The following ZKSCAN4 variants were observed in gnomAD, a reference collection of about 807,000 sequenced individuals.
ZKSCAN4 encodes zinc finger protein with KRAB and SCAN domains 4.
In ZKSCAN4, 23 loss-of-function variants were observed where a neutral mutation model predicts 30.8. That is an observed-to-expected ratio of 0.75 (90% CI 0.54 to 1.06). ZKSCAN4 has a LOEUF of 1.06. Ranked by LOEUF, ZKSCAN4 falls within the 50% of genes least tolerant of loss-of-function variation. The pLI, the probability that ZKSCAN4 is intolerant of heterozygous loss-of-function variation, is 0.00. For synonymous variants in ZKSCAN4, 208 were observed against 252.5 expected, an observed-to-expected ratio of 0.82 and a Z score of 1.67; for missense variants, 556 against 665.4, an observed-to-expected ratio of 0.84 and a Z score of 1.81.
Position 28,242,106 on chromosome 6 carries a change from C to T in ZKSCAN4, c.*3010G>A, listed in dbSNP as rs1421345813. Among the ~76,000 whole-genome samples the T allele has an allele frequency of 1.3e-5, 2 of 152,108 alleles. No homozygotes were observed. The highest frequency in any genetic ancestry group is 6.5e-5 in the Admixed American group (1 of 15,282). On this transcript the variant is annotated 3_prime_UTR_variant, in exon 5 of 5. Coordinates refer to ENST00000377294, the MANE Select transcript of ZKSCAN4 (RefSeq NM_019110.5). Reference sequence around the variant, plus strand: ...GAAGATTTCTGCGCTGCTTCAGTTACAGAAATGAAATAGAATGGCAGACTA... The same window carrying T: ...GAAGATTTCTGCGCTGCTTCAGTTATAGAAATGAAATAGAATGGCAGACTA...
chr6:28,254,753 C>T (rs1185697819), upstream of ZKSCAN4, among the ~76,000 whole-genome samples: 1 of 152,144 alleles, frequency 6.6e-6, no homozygotes, highest in Non-Finnish European at 1.5e-5. Flanking sequence ...GGTTGGAAGC[C>T]CTGCGACGGC....
chr6:28,246,419 C>CAT (rs1232887202), intron 4 of ZKSCAN4, among the ~76,000 whole-genome samples: 2 of 152,100 alleles, frequency 1.3e-5, no homozygotes, highest in Admixed American at 6.5e-5. Flanking sequence ...CATGGACCGT[C>CAT]ATCTCTAACT....
At chr6:28,254,715 T>C (rs1761132439), upstream of ZKSCAN4, among the ~76,000 whole-genome samples, 1 of 152,232 alleles carries the variant, frequency 6.6e-6, no homozygotes, top group Admixed American at 6.5e-5. Flanking sequence ...GCGGGATGCT[T>C]TTATTTTCTG....
rs552949112 is a variant in ZKSCAN4 at position 28,245,942 on chromosome 6, G to A, written c.812C>T (p.Pro271Leu). Residue 271 changes from proline (P) to leucine (L), a missense_variant, in exon 5 of 5, where the codon CCT (proline) becomes CTT (leucine). Around this residue, in one of 3 missense-constraint regions of ZKSCAN4, gnomAD observed 433 missense variants for 511.5 expected, o/e 0.85. Coordinates refer to ENST00000377294, the MANE Select transcript of ZKSCAN4 (RefSeq NM_019110.5). ...CTTTTCTGGAAGCTTCTTGACTGGAGGCAAGTCCCTGCTCTTAGTCTGTAT... is the reference window on the plus strand; with the variant it reads ...CTTTTCTGGAAGCTTCTTGACTGGAAGCAAGTCCCTGCTCTTAGTCTGTAT... Reference protein sequence around the residue: ...GEIQTKSRDLPPVKKLPEKEH... With the variant: ...GEIQTKSRDLLPVKKLPEKEH... 2.4e-5 allele frequency: 39 copies of A among 1,614,150 alleles called. No individual in the cohort carries two copies. In the East Asian group the frequency reaches 7.6e-4, roughly 31 times the overall value.
Position 28,251,608 on chromosome 6 carries a change from C to G in ZKSCAN4, c.373G>C (p.Val125Leu). The G allele has an allele frequency of 1.2e-6, 2 of 1,614,218 alleles. No homozygotes were observed. Among genetic ancestry groups the G allele is most frequent in the Non-Finnish European group, 1.7e-6 (2 of 1,180,026 alleles). Residue 125 changes from valine (V) to leucine (L), a missense_variant, in exon 1 of 5, where the codon GTG (valine) becomes CTG (leucine). Val to Leu is a conservative substitution (Grantham distance 32, BLOSUM62 1). Coordinates refer to ENST00000377294, the MANE Select transcript of ZKSCAN4 (RefSeq NM_019110.5). The surrounding 1 kb of genome is among the most constrained non-coding windows in gnomAD (Gnocchi z 4.5). Reference protein sequence around the residue: ...EQHPESGEEVVVLLEYLERQL... With the variant: ...EQHPESGEEVLVLLEYLERQL... Reference sequence around the variant, plus strand: ...CTCTCCAAATACTCCAATAGCACCACCACCTCCTCCCCGCTCTCTGGATGC... The same window carrying G: ...CTCTCCAAATACTCCAATAGCACCAGCACCTCCTCCCCGCTCTCTGGATGC...
chr6:28,245,937 C>T lies in ZKSCAN4; in HGVS notation c.817G>A (p.Val273Ile). The change falls in exon 5 of 5, where the codon GTC (valine) becomes ATC (isoleucine). Residue 273 changes from valine to isoleucine, a missense_variant. Val to Ile is a conservative substitution (Grantham distance 29). This residue lies in a region of ZKSCAN4 where 433 missense variants were observed against 511.5 expected (regional missense o/e 0.85). Coordinates refer to ENST00000377294, the MANE Select transcript of ZKSCAN4 (RefSeq NM_019110.5). The stretch of plus-strand genomic sequence containing the variant: ...TGCTCCTTTTCTGGAAGCTTCTTGA[C>T]TGGAGGCAAGTCCCTGCTCTTAGTC... ...IQTKSRDLPPVKKLPEKEHGK... is the reference protein window; with the variant it reads ...IQTKSRDLPPIKKLPEKEHGK... The T allele has an allele frequency of 6.2e-7, 1 of 1,614,172 alleles. No homozygotes were observed. The highest frequency in any genetic ancestry group is 1.3e-5 in the African/African-American group (1 of 75,042).
At chr6:28,248,271 C>T in intron 2 of ZKSCAN4, 122 bp from the exon 3 acceptor site, 2 of 673,534 alleles carry the variant, frequency 3.0e-6, no homozygotes, top group Non-Finnish European at 5.1e-6. Flanking sequence ...AGAATGTGTT[C>T]CTTTCAAAAA....
chr6:28,252,014 G>C lies in ZKSCAN4; in HGVS notation c.-34C>G. 1 of 1,509,970 alleles carries C rather than the reference G, an allele frequency of 6.6e-7. No individual in the cohort carries two copies. 93.5% of individuals were successfully genotyped at this position (1,509,970 alleles called of 1,614,324 possible). On this transcript the variant is annotated 5_prime_UTR_variant, in exon 1 of 5. Coordinates refer to ENST00000377294, the MANE Select transcript of ZKSCAN4 (RefSeq NM_019110.5). The stretch of plus-strand genomic sequence containing the variant: ...AAGGCAGTACTCGGGTCTCACTCTA[G>C]TTGCGACCTGTATATCTTCAGAGGA...
chr6:28,246,791 G>T (rs922335194), intron 4 of ZKSCAN4, among the ~76,000 whole-genome samples, 178 bp downstream of exon 4: 1 of 152,208 alleles, frequency 6.6e-6, no homozygotes, highest in African/African-American at 2.4e-5. Context: ...ACACTGGCAT[G>T]ACAGAGGAGA....
intron 2 of ZKSCAN4, among the ~76,000 whole-genome samples, chr6:28,248,369 G>A (rs1304794738): frequency 6.6e-6 from 1 of 152,238 alleles, no homozygotes; most frequent in Admixed American, 6.5e-5. Flanking sequence ...AGAATCGTTG[G>A]TAGGAGTGGT....
chr6:28,256,651 A>G (rs918974298), upstream of ZKSCAN4, among the ~76,000 whole-genome samples: 12 of 152,222 alleles, frequency 7.9e-5, no homozygotes, highest in South Asian at 1.0e-3. Context: ...CTGTATGCAA[A>G]TGAACATTTG....
chr6:28,254,970 A>G (rs759869637), upstream of ZKSCAN4, among the ~76,000 whole-genome samples: 4 of 152,224 alleles, frequency 2.6e-5, no homozygotes, highest in Non-Finnish European at 4.4e-5. Context: ...GTAACCCGGT[A>G]TCTTGCTTAT....
rs1161730979 is a variant in ZKSCAN4 at position 28,243,654 on chromosome 6, ATTTTCTTTTCTTTTTTTT to A, written c.*1444_*1461del. 6.7e-6 allele frequency among the ~76,000 whole-genome samples: 1 copy of A among 149,728 alleles called. No homozygotes were observed. Among genetic ancestry groups the A allele is most frequent in the East Asian group, 1.9e-4 (1 of 5,144 alleles). On this transcript the variant is annotated 3_prime_UTR_variant, in exon 5 of 5. Transcript: ENST00000377294. ...TCCCAATGTGCTTCTGAACAGACAC[ATTTTCTTTTCTTTTTTTT>A]TTTTCTTTTTGAGACAGAGTCTCAC...
At chr6:28,253,614 C>T (rs548971036), upstream of ZKSCAN4, among the ~76,000 whole-genome samples, 1 of 152,206 alleles carries the variant, frequency 6.6e-6, no homozygotes, top group South Asian at 2.1e-4. The surrounding 1 kb of genome is among the most constrained non-coding windows in gnomAD (Gnocchi z 4.2). Flanking sequence ...CACTGGGGAG[C>T]TTTTAAAACA....
chr6:28,246,822 A>T (rs982855664), intron 4 of ZKSCAN4, 147 bp downstream of exon 4: 1 of 914,574 alleles, frequency 1.1e-6, no homozygotes, highest in Non-Finnish European at 1.6e-6. Flanking sequence ...AGAAGGAGTA[A>T]GGAGCTAGTA....
Position 28,245,265 on chromosome 6 carries a change from T to G in ZKSCAN4, c.1489A>C (p.Thr497Pro). 1 of 1,613,512 alleles carries G rather than the reference T, an allele frequency of 6.2e-7. No individual in the cohort carries two copies. Among genetic ancestry groups the G allele is most frequent in the South Asian group, 1.1e-5 (1 of 91,040 alleles). Residue 497 changes from threonine (T) to proline (P), a missense_variant, in exon 5 of 5, where the codon ACA becomes CCA. Thr to Pro is a conservative substitution (Grantham distance 38, BLOSUM62 -1). Around this residue, in one of 3 missense-constraint regions of ZKSCAN4, gnomAD observed 433 missense variants for 511.5 expected, o/e 0.85. Coordinates refer to ENST00000377294, the MANE Select transcript of ZKSCAN4 (RefSeq NM_019110.5). ...YKCNECERSF[T>P]RNRSLIEHQK... ...TGTTCAATAAGACTTCTATTCCGTG[T>G]GAAACTTCTCTCACACTCATTACAT...
upstream of ZKSCAN4, among the ~76,000 whole-genome samples, chr6:28,254,219 G>A (rs977107441): frequency 6.6e-6 from 1 of 152,252 alleles, no homozygotes; most frequent in Non-Finnish European, 1.5e-5. Flanking sequence ...GCTCCTTACA[G>A]AGCAGGGCTA....
At chr6:28,250,764 T>C (rs1207419573) in intron 1 of ZKSCAN4, among the ~76,000 whole-genome samples, 1 of 152,200 alleles carries the variant, frequency 6.6e-6, no homozygotes, top group Non-Finnish European at 1.5e-5. Context: ...ATTTCCCACA[T>C]ATTTTATGAA....
rs557460866 is a variant in ZKSCAN4 at position 28,251,190 on chromosome 6, C to T, written c.423+368G>A. Among the ~76,000 whole-genome samples, 49 of 152,292 alleles carry T rather than the reference C, an allele frequency of 3.2e-4. No homozygotes were observed. The highest frequency in any genetic ancestry group is 2.9e-3 in the South Asian group (14 of 4,826). On this transcript the variant is annotated intron_variant, in intron 1 of 4. Transcript: ENST00000377294. This position sits in a 1 kb window ranked among gnomAD's most constrained non-coding sequence, Gnocchi z 4.5. ...CCAACAAAACCTGCACGTTTTCACACCACATTACAACCAGGCAAATAGATG... is the reference window on the plus strand; with the variant it reads ...CCAACAAAACCTGCACGTTTTCACATCACATTACAACCAGGCAAATAGATG...
Sources: gnomAD v4.1 joint callset for allele counts (sites outside exome capture counted in the v4.1 genomes callset) on GRCh38, gnomAD v4.1.1 for gene constraint, gnomAD v4.1.1 regional missense constraint, Gnocchi (gnomAD v3.1) non-coding constraint, MANE v1.5 for transcripts, NCBI Gene and HGNC (gene_info 2026-07-23, HGNC 2026-07-21) for gene names.